The following NRXN3 variants were observed in gnomAD, a reference collection of about 807,000 sequenced individuals.
The protein encoded by NRXN3 is neurexin III.
In NRXN3, 32 loss-of-function variants were observed where a neutral mutation model predicts 137.6. The ratio of observed to expected loss-of-function variants is 0.23; its 90% CI spans 0.18 to 0.31. The LOEUF (loss-of-function observed/expected upper bound fraction) is 0.31, where lower values mean the gene tolerates loss of function less well. Ranked by LOEUF, NRXN3 falls within the 10% of genes least tolerant of loss-of-function variation. The pLI, the probability that NRXN3 is intolerant of heterozygous loss-of-function variation, is 1.00. For missense variants in NRXN3, 1,574 were observed against 2,062.5 expected, an observed-to-expected ratio of 0.76 and a Z score of 4.59; for synonymous variants, 798 against 784.5, an observed-to-expected ratio of 1.02 and a Z score of -0.29.
chr14:79,573,477 T>G (rs967307740), intron 16 of NRXN3, among the ~76,000 whole-genome samples: 20 of 151,992 alleles, frequency 1.3e-4, no homozygotes, highest in African/African-American at 4.8e-4. Flanking sequence ...AATGTGAAAT[T>G]TTATATGGAA....
At chr14:79,260,228 A>G (rs1223020732) in intron 15 of NRXN3, among the ~76,000 whole-genome samples, 4 of 152,208 alleles carry the variant, frequency 2.6e-5, no homozygotes, top group Non-Finnish European at 2.9e-5. Flanking sequence ...ATCCATATCT[A>G]TAAATTATAT....
At chr14:79,522,340 A>G (rs1308245492) in intron 16 of NRXN3, among the ~76,000 whole-genome samples, 1 of 152,138 alleles carries the variant, frequency 6.6e-6, no homozygotes, top group Non-Finnish European at 1.5e-5. Flanking sequence ...GTTCATATTA[A>G]GAGGGGTGCA....
intron 16 of NRXN3, among the ~76,000 whole-genome samples, chr14:79,508,727 A>C (rs78275835): frequency 0.026 from 3,916 of 152,114 alleles, 186 homozygotes; most frequent in African/African-American, 0.089. Flanking sequence ...AAACATACTC[A>C]TGACTATTTG....
chr14:79,125,657 C>T (rs990991881), intron 15 of NRXN3, among the ~76,000 whole-genome samples: 2 of 152,150 alleles, frequency 1.3e-5, no homozygotes, highest in Non-Finnish European at 2.9e-5. Context: ...TCATCAGCAC[C>T]CCTTTCACTA....
chr14:78,484,027 C>CACACACACACAG (rs1229106899), intron 4 of NRXN3, among the ~76,000 whole-genome samples: 11 of 137,180 alleles, frequency 8.0e-5, no homozygotes, highest in African/African-American at 3.2e-4. Context: ...CACACACACA[C>CACACACACACAG]AGAGAGAGAG....
intron 16 of NRXN3, among the ~76,000 whole-genome samples, chr14:79,505,175 G>A (rs143080867): frequency 2.0e-5 from 3 of 147,656 alleles, no homozygotes; most frequent in Admixed American, 6.9e-5. Flanking sequence ...AGATCATGCC[G>A]TTGCTCTCCA....
chr14:78,430,719 G>T lies in NRXN3; in HGVS notation c.757+132859G>T, dbSNP rs1241719777. Reference sequence around the variant, plus strand: ...GCATAGGTCTTGTTCAGAGAAGTGGGTGCACTGTGGCAGAAACAATTCTCT... The same window carrying T: ...GCATAGGTCTTGTTCAGAGAAGTGGTTGCACTGTGGCAGAAACAATTCTCT... On this transcript the variant is annotated intron_variant, in intron 4 of 20. Coordinates refer to ENST00000335750, the MANE Select transcript of NRXN3 (RefSeq NM_001330195.2). 3.3e-5 allele frequency among the ~76,000 whole-genome samples: 5 copies of T among 152,142 alleles called. No homozygotes were observed. In the South Asian group the frequency reaches 1.0e-3, roughly 31 times the overall value.
At chr14:79,150,839 C>T (rs1031069839) in intron 15 of NRXN3, among the ~76,000 whole-genome samples, 2 of 152,032 alleles carry the variant, frequency 1.3e-5, no homozygotes, top group African/African-American at 4.8e-5. Flanking sequence ...AACCAATGGT[C>T]ACTTAAATGA....
Position 78,904,559 on chromosome 14 carries a change from T to C in NRXN3, c.2276-52683T>C, listed in dbSNP as rs573024246. Among the ~76,000 whole-genome samples the C allele has an allele frequency of 2.0e-5, 3 of 152,238 alleles. No homozygotes were observed. The South Asian group carries it at 6.2e-4, about 32-fold the overall frequency. ...ATAGAGATGATTTCCAAAAATCAAA[T>C]ACAGATGATTTCTAGAGAGAACCTC... On this transcript the variant is annotated intron_variant, in intron 10 of 20. Transcript: ENST00000335750.
rs147456440 is a variant in NRXN3 at position 79,700,818 on chromosome 14, A to C, written c.4014+2881A>C. Reference sequence around the variant, plus strand: ...AAGAGTGTAGAACTATCTGTGAATAACCTGGCTGATGTTAATTTACTCATA... The same window carrying C: ...AAGAGTGTAGAACTATCTGTGAATACCCTGGCTGATGTTAATTTACTCATA... On this transcript the variant is annotated intron_variant, in intron 19 of 20. Coordinates refer to ENST00000335750, the MANE Select transcript of NRXN3 (RefSeq NM_001330195.2). 8.8e-3 allele frequency among the ~76,000 whole-genome samples: 1,337 copies of C among 152,072 alleles called. 19 individuals are homozygous for C. Among genetic ancestry groups the C allele is most frequent in the Middle Eastern group, 0.024 (7 of 292 alleles).
At chr14:78,625,222 A>T (rs74591172) in intron 4 of NRXN3, among the ~76,000 whole-genome samples, 15,046 of 152,116 alleles carry the variant, frequency 0.099, 1,082 homozygotes, top group African/African-American at 0.2. Context: ...ACATTTTTTT[A>T]AAATTGTACT....
At chr14:79,634,078 G>T (rs1240054709) in intron 16 of NRXN3, among the ~76,000 whole-genome samples, 1 of 152,072 alleles carries the variant, frequency 6.6e-6, no homozygotes, top group Admixed American at 6.6e-5. Context: ...ACTCCAGTGA[G>T]ACAAAAGTCC....
intron 15 of NRXN3, among the ~76,000 whole-genome samples, chr14:79,102,105 T>C (rs1465159689): frequency 6.6e-6 from 1 of 152,200 alleles, no homozygotes; most frequent in Non-Finnish European, 1.5e-5. Flanking sequence ...TTGAGACTTC[T>C]GGTCTCCAGA....
intron 15 of NRXN3, among the ~76,000 whole-genome samples, chr14:79,414,893 C>T (rs931751185): frequency 1.3e-5 from 2 of 152,120 alleles, no homozygotes; most frequent in Non-Finnish European, 2.9e-5. Context: ...GGTAACCACA[C>T]TTCTACTCTC....
intron 16 of NRXN3, among the ~76,000 whole-genome samples, chr14:79,593,976 C>T (rs2097837051): frequency 6.6e-6 from 1 of 152,068 alleles, no homozygotes; most frequent in Non-Finnish European, 1.5e-5. Flanking sequence ...AATAGATGCC[C>T]TCATAAGGTG....
chr14:79,715,616 A>G (rs1426524429), intron 19 of NRXN3, among the ~76,000 whole-genome samples: 2 of 152,236 alleles, frequency 1.3e-5, no homozygotes, highest in African/African-American at 4.8e-5. Flanking sequence ...TAAAAAGATA[A>G]TAAAGCAAGT....
At chr14:78,581,535 G>C (rs2096996754) in intron 4 of NRXN3, among the ~76,000 whole-genome samples, 1 of 152,156 alleles carries the variant, frequency 6.6e-6, no homozygotes, top group Admixed American at 6.5e-5. Flanking sequence ...TTATCACATT[G>C]GTGATTAAGT....
chr14:78,607,394 A>C (rs142482601), intron 4 of NRXN3, among the ~76,000 whole-genome samples: 1,661 of 152,286 alleles, frequency 0.011, 11 homozygotes, highest in South Asian at 0.027. Context: ...GAACTCAGGC[A>C]GGACAACTGT....
At chr14:79,304,691 C>T (rs761757647) in intron 15 of NRXN3, among the ~76,000 whole-genome samples, 1 of 152,010 alleles carries the variant, frequency 6.6e-6, no homozygotes, top group Non-Finnish European at 1.5e-5. Context: ...TAGGCATTTA[C>T]AAGAAATAGC....
Sources: allele counts gnomAD v4.1 joint callset (sites outside exome capture counted in the v4.1 genomes callset), GRCh38; gene constraint gnomAD v4.1.1; transcripts MANE v1.5; gene names NCBI Gene and HGNC (gene_info 2026-07-23, HGNC 2026-07-21).